The following SSTR2 variants were observed in gnomAD, a reference collection of about 807,000 sequenced individuals.
SSTR2 encodes somatostatin receptor type 2.
A neutral mutation model predicts 21.4 loss-of-function variants in SSTR2; 10 were observed. The ratio of observed to expected loss-of-function variants is 0.47; its 90% confidence interval spans 0.29 to 0.79. SSTR2 has a LOEUF of 0.79. Among genes scored for constraint, SSTR2 ranks in the 30% least tolerant of loss-of-function variants. The probability of loss-of-function intolerance (pLI) is 0.10; values close to 1 mark genes in which losing one functional copy is unlikely to be tolerated. For synonymous variants in SSTR2, 177 were observed against 181.3 expected (o/e 0.98, Z 0.19); for missense variants, 364 against 468.8 (o/e 0.78, Z 2.06).
Position 73,171,441 on chromosome 17 carries a change from C to G in SSTR2, c.*1012C>G, listed in dbSNP as rs1005186012. 1.8e-5 allele frequency: 3 copies of G among 167,014 alleles called. No homozygotes were observed. Among genetic ancestry groups the G allele is most frequent in the Non-Finnish European group, 4.4e-5 (3 of 68,114 alleles). 10.3% of individuals were successfully genotyped at this position (167,014 alleles called of 1,614,324 possible). A position where few individuals can be genotyped will look rare whatever the true frequency, so the allele number is the denominator to read the frequency against. ...TATGATTCCTGTGGGGAAACAATTT[C>G]ATTCTCTCCATCGTGAAAATAAGTG... On this transcript the variant is annotated 3_prime_UTR_variant, in exon 2 of 2. Coordinates refer to ENST00000357585, the MANE Select transcript of SSTR2 (RefSeq NM_001050.3).
In SSTR2 at chr17:73,170,153, T is replaced by C; in HGVS notation, c.834T>C (p.Ser278=). ...TTCCCTTCTACATATTCAACGTTTC[T>C]TCCGTCTCCATGGCCATCAGCCCCA... is the stretch of plus-strand genomic sequence containing the variant. ...CWLPFYIFNV[S]SVSMAISPTP... is the part of the protein sequence containing the mutation. Residue 278 remains serine (S), a synonymous_variant, in exon 2 of 2, where the codon TCT becomes TCC. Transcript: ENST00000357585. The C allele has an allele frequency of 6.2e-7, 1 of 1,614,204 alleles. No homozygotes were observed. Among genetic ancestry groups the C allele is most frequent in the Non-Finnish European group, 8.5e-7 (1 of 1,180,050 alleles).
In SSTR2 at chr17:73,170,441, G is replaced by A; in HGVS notation, c.*12G>A. The A allele has an allele frequency of 6.2e-7, 1 of 1,607,518 alleles. No individual in the cohort carries two copies. The highest frequency in any genetic ancestry group is 8.5e-7 in the Non-Finnish European group (1 of 1,176,128). On this transcript the variant is annotated 3_prime_UTR_variant, in exon 2 of 2. Coordinates refer to ENST00000357585, the MANE Select transcript of SSTR2 (RefSeq NM_001050.3). The stretch of plus-strand genomic sequence containing the variant: ...AAACCAGTATCTGAACTGCTTGGGG[G>A]GTGGGAAAGAACCAAGCCATGCTCT...
chr17:73,169,890 AG>A lies in SSTR2; in HGVS notation c.572del (p.Ser191ThrfsTer45). 6.2e-7 allele frequency: 1 copy of A among 1,611,566 alleles called. No homozygotes were observed. Among genetic ancestry groups the A allele is most frequent in the Non-Finnish European group, 8.5e-7 (1 of 1,178,042 alleles). ...GCTCCGGAGCAACCAGTGGGGGAGA[AG>A]CAGCTGCACCATCAACTGGCCAGGT... ...AGLRSNQWGRSSCTINWPGES... is the reference protein window; with the variant it reads ...AGLRSNQWGRXSCTINWPGES... On this transcript the variant is annotated frameshift_variant, in exon 2 of 2. Transcript: ENST00000357585. LOFTEE classifies it high-confidence loss of function. The surrounding 1 kb of genome is among the most constrained non-coding windows in gnomAD (Gnocchi z 5.2).
chr17:73,169,198 G>A lies in SSTR2; in HGVS notation c.-92-30G>A, dbSNP rs540137449. On this transcript the variant is annotated intron_variant, in intron 1 of 1. Transcript: ENST00000357585. This position sits in a 1 kb window ranked among gnomAD's most constrained non-coding sequence, Gnocchi z 5.2. ...GTGAGACTTTAAACAGCCTGTGACC[G>A]ACGGGCCAATCTTCCTCTTTTCCTT... 26 of 1,237,766 alleles carry A rather than the reference G, an allele frequency of 2.1e-5. No homozygotes were observed. The African/African-American group carries it at 2.1e-4, about 10-fold the overall frequency. 76.7% of individuals were successfully genotyped at this position (1,237,766 alleles called of 1,614,324 possible). A position where few individuals can be genotyped will look rare whatever the true frequency, so the allele number is the denominator to read the frequency against.
In SSTR2 at chr17:73,171,973, G is replaced by C. The variant is rs1363803871; in HGVS notation, c.*1544G>C. 1 of 119,968 alleles carries C rather than the reference G, an allele frequency of 8.3e-6. No homozygotes were observed. Among genetic ancestry groups the C allele is most frequent in the Non-Finnish European group, 1.7e-5 (1 of 59,312 alleles). 7.4% of individuals were successfully genotyped at this position (119,968 alleles called of 1,614,324 possible). A position where few individuals can be genotyped will look rare whatever the true frequency, so the allele number is the denominator to read the frequency against. On this transcript the variant is annotated 3_prime_UTR_variant, in exon 2 of 2. Transcript: ENST00000357585. Reference sequence around the variant, plus strand: ...AAAAAAAAAAGGAAAACCACAATGCGTACTAAAGACCAGAAGACATTGTTC... The same window carrying C: ...AAAAAAAAAAGGAAAACCACAATGCCTACTAAAGACCAGAAGACATTGTTC...
In SSTR2 at chr17:73,176,559, T is replaced by C. The variant is rs2061249408; in HGVS notation, c.*6130T>C. The C allele has an allele frequency of 6.6e-6, 1 of 152,302 alleles. No homozygotes were observed. Among genetic ancestry groups the C allele is most frequent in the South Asian group, 2.1e-4 (1 of 4,830 alleles). The allele number at this position is 152,302 out of a possible 1,614,324, so 9.4% of individuals were successfully genotyped here. A position where few individuals can be genotyped will look rare whatever the true frequency, so the allele number is the denominator to read the frequency against. Reference sequence around the variant, plus strand: ...GATGTGTTTGCTTCCCCTTCTGCCATGATTGTAAGTTTCCTGAGGCCTCCC... The same window carrying C: ...GATGTGTTTGCTTCCCCTTCTGCCACGATTGTAAGTTTCCTGAGGCCTCCC... On this transcript the variant is annotated 3_prime_UTR_variant, in exon 2 of 2. Coordinates refer to ENST00000357585, the MANE Select transcript of SSTR2 (RefSeq NM_001050.3).
At chr17:73,168,749 G>A (rs140116602) in intron 1 of SSTR2, among the ~76,000 whole-genome samples, 2 of 152,312 alleles carry the variant, frequency 1.3e-5, no homozygotes, top group African/African-American at 4.8e-5. Flanking sequence ...GGGCTCAGCA[G>A]TGGAACCCGG....
Position 73,170,399 on chromosome 17 carries a change from C to T in SSTR2, c.1080C>T (p.Leu360=), listed in dbSNP as rs1568286434. The T allele has an allele frequency of 1.2e-6, 2 of 1,613,674 alleles. No homozygotes were observed. Among genetic ancestry groups the T allele is most frequent in the South Asian group, 1.1e-5 (1 of 91,060 alleles). Residue 360 remains leucine (L), a synonymous_variant, in exon 2 of 2, where the codon CTC becomes CTT. Transcript: ENST00000357585. ...LNETTETQRT[L]LNGDLQTSI is the part of the protein sequence containing the mutation. Reference sequence around the variant, plus strand: ...AGACCACGGAGACCCAGAGGACCCTCCTCAATGGAGACCTCCAAACCAGTA... The same window carrying T: ...AGACCACGGAGACCCAGAGGACCCTTCTCAATGGAGACCTCCAAACCAGTA...
rs1276945945 is a variant in SSTR2, at chr17:73,174,832, A to C, written c.*4403A>C. 1 of 153,728 alleles carries C rather than the reference A, an allele frequency of 6.5e-6. No individual in the cohort carries two copies. Among genetic ancestry groups the C allele is most frequent in the Non-Finnish European group, 1.5e-5 (1 of 68,044 alleles). The allele number at this position is 153,728 out of a possible 1,614,324, so 9.5% of individuals were successfully genotyped here. ...GACCCTGGGGAAAAGAATTTTCAGC[A>C]AAGTACAAAAATTTAAAGCATTCCT... is the stretch of plus-strand genomic sequence containing the variant. On this transcript the variant is annotated 3_prime_UTR_variant, in exon 2 of 2. Transcript: ENST00000357585.
In SSTR2 at chr17:73,171,513, G is replaced by GT. The variant is rs1238146469; in HGVS notation, c.*1089dup. 6.0e-6 allele frequency: 1 copy of GT among 166,834 alleles called. No homozygotes were observed. Among genetic ancestry groups the GT allele is most frequent in the Admixed American group, 6.5e-5 (1 of 15,286 alleles). The allele number at this position is 166,834 out of a possible 1,614,324, so 10.3% of individuals were successfully genotyped here. A position where few individuals can be genotyped will look rare whatever the true frequency, so the allele number is the denominator to read the frequency against. ...CACCTTTATGAGAAACCATAAAATT[G>GT]TTTTTATTTTTCAGGCCAGACATAG... On this transcript the variant is annotated 3_prime_UTR_variant, in exon 2 of 2. Coordinates refer to ENST00000357585, the MANE Select transcript of SSTR2 (RefSeq NM_001050.3).
rs1418963968 is a variant in SSTR2 at position 73,174,966 on chromosome 17, C to G, written c.*4537C>G. 1 of 152,504 alleles carries G rather than the reference C, an allele frequency of 6.6e-6. No individual in the cohort carries two copies. Among genetic ancestry groups the G allele is most frequent in the African/African-American group, 2.4e-5 (1 of 41,400 alleles). The allele number at this position is 152,504 out of a possible 1,614,324, so 9.4% of individuals were successfully genotyped here. A position where few individuals can be genotyped will look rare whatever the true frequency, so the allele number is the denominator to read the frequency against. ...GAAACGTAATTTGGATTGTAAAATT[C>G]TTGCTTTAATAAAAATTCTTTAAAC... On this transcript the variant is annotated 3_prime_UTR_variant, in exon 2 of 2. Transcript: ENST00000357585.
intron 1 of SSTR2, among the ~76,000 whole-genome samples, chr17:73,166,680 G>A (rs1369447023): frequency 1.3e-5 from 2 of 152,140 alleles, no homozygotes; most frequent in Non-Finnish European, 2.9e-5. Context: ...TGAAACAGAA[G>A]TCTCTGGAAG....
At position 73,170,542 on chromosome 17, in the gene SSTR2, G is replaced by A; in HGVS notation, c.*113G>A. 7.4e-7 allele frequency: 1 copy of A among 1,355,580 alleles called. No homozygotes were observed. The highest frequency in any genetic ancestry group is 1.3e-5 in the South Asian group (1 of 79,652). 84.0% of individuals were successfully genotyped at this position (1,355,580 alleles called of 1,614,324 possible). On this transcript the variant is annotated 3_prime_UTR_variant, in exon 2 of 2. Transcript: ENST00000357585. ...CTCACACCTGGCTTCTAGAATAGAG[G>A]ATTGCTCAGCATGAGTCCAATTCAG... is the stretch of plus-strand genomic sequence containing the variant.
rs148787685 is a variant in SSTR2, at chr17:73,175,051, T to C, written c.*4622T>C. ...GAGAATTATCAAAAGTTTCCATAGA[T>C]GGTTGGGAAGATCTGATTAGTGTTT... On this transcript the variant is annotated 3_prime_UTR_variant, in exon 2 of 2. Coordinates refer to ENST00000357585, the MANE Select transcript of SSTR2 (RefSeq NM_001050.3). 474 of 152,314 alleles carry C rather than the reference T, an allele frequency of 3.1e-3. 4 individuals carry two copies. The highest frequency in any genetic ancestry group is 0.011 in the African/African-American group (450 of 41,568). 9.4% of individuals were successfully genotyped at this position (152,314 alleles called of 1,614,324 possible).
At chr17:73,167,881 G>A (rs1004766592) in intron 1 of SSTR2, 11 of 152,212 alleles carry the variant, frequency 7.2e-5, no homozygotes, top group African/African-American at 2.7e-4. Flanking sequence ...TTTTTTGAAT[G>A]GCTGTATATC....
intron 1 of SSTR2, among the ~76,000 whole-genome samples, chr17:73,166,432 C>T (rs1430643873): frequency 4.0e-5 from 6 of 148,286 alleles, no homozygotes; most frequent in Admixed American, 4.0e-4. Context: ...TAATCACAGC[C>T]CCTATGTAAA....
At position 73,170,234 on chromosome 17, in the gene SSTR2, C is replaced by T; in HGVS notation, c.915C>T (p.Ser305=). 1 of 1,614,138 alleles carries T rather than the reference C, an allele frequency of 6.2e-7. No individual in the cohort carries two copies. The highest frequency in any genetic ancestry group is 8.5e-7 in the Non-Finnish European group (1 of 1,180,042). The change falls in exon 2 of 2, where the codon AGC becomes AGT. Residue 305 remains serine, a synonymous_variant. Transcript: ENST00000357585. ...TGGTGGTCCTCACCTATGCTAACAG[C>T]TGTGCCAACCCTATCCTATATGCCT... ...DFVVVLTYAN[S]CANPILYAFL... is the part of the protein sequence containing the mutation.
In SSTR2 at chr17:73,169,385, T is replaced by G; in HGVS notation, c.66T>G (p.Asn22Lys). Residue 22 changes from asparagine to lysine, a missense_variant, in exon 2 of 2, where the codon AAT (asparagine) becomes AAG (lysine). By Grantham distance (94) the Asn-to-Lys change is moderately conservative. Transcript: ENST00000357585. This position sits in a 1 kb window ranked among gnomAD's most constrained non-coding sequence, Gnocchi z 5.2. Reference protein sequence around the residue: ...HTWLSIPFDLNGSVVSTNTSN... With the variant: ...HTWLSIPFDLKGSVVSTNTSN... ...GGCTATCCATTCCATTTGACCTCAA[T>G]GGCTCTGTGGTGTCAACCAACACCT... 6.2e-7 allele frequency: 1 copy of G among 1,614,168 alleles called. No homozygotes were observed. The highest frequency in any genetic ancestry group is 8.5e-7 in the Non-Finnish European group (1 of 1,180,010).
chr17:73,167,953 A>C (rs573113867), intron 1 of SSTR2: 93 of 152,368 alleles, frequency 6.1e-4, no homozygotes, highest in African/African-American at 2.0e-3. Flanking sequence ...TAGTGCTCCA[A>C]TTATTTTCTC....
Sources: allele counts gnomAD v4.1 joint callset (sites outside exome capture counted in the v4.1 genomes callset), GRCh38; gene constraint gnomAD v4.1.1; non-coding constraint Gnocchi (gnomAD v3.1); transcripts MANE v1.5; gene names NCBI Gene and HGNC (gene_info 2026-07-23, HGNC 2026-07-21).